Variants in CHCHD3 observed in about 807,000 individuals in gnomAD.
CHCHD3 encodes the protein MICOS complex subunit MIC19.
Under a neutral mutation model 38.2 loss-of-function variants are expected in CHCHD3, and 20 were observed. That is an observed-to-expected ratio of 0.52 (90% confidence interval 0.37 to 0.76). The LOEUF (loss-of-function observed/expected upper bound fraction) is 0.76, where lower values mean the gene tolerates loss of function less well. CHCHD3 is among the 30% of genes least tolerant of loss of function. CHCHD3 has a pLI of 0.00. For missense variants in CHCHD3, 245 were observed against 279.2 expected (o/e 0.88, Z 0.87); for synonymous variants, 82 against 100.0 (o/e 0.82, Z 1.07).
chr7:133,009,091 C>T (rs10257215), intron 3 of CHCHD3, among the ~76,000 whole-genome samples: 1,581 of 151,908 alleles, frequency 0.01, 30 homozygotes, highest in African/African-American at 0.036. Flanking sequence ...GGGCTGGCCA[C>T]GGTGGCTCAC....
chr7:133,078,572 AT>A (rs1815071109), intron 1 of CHCHD3, among the ~76,000 whole-genome samples: 1 of 152,194 alleles, frequency 6.6e-6, no homozygotes, highest in South Asian at 2.1e-4. Context: ...TATGAAAAAA[AT>A]AAAGGAAGAT....
At chr7:132,844,611 A>G (rs769924011) in intron 5 of CHCHD3, among the ~76,000 whole-genome samples, 30 of 152,230 alleles carry the variant, frequency 2.0e-4, no homozygotes, top group Non-Finnish European at 3.7e-4. Flanking sequence ...TTTAAAACAG[A>G]AAGTCTTATT....
intron 6 of CHCHD3, among the ~76,000 whole-genome samples, chr7:132,819,386 C>T (rs542477600): frequency 3.9e-5 from 6 of 152,272 alleles, no homozygotes; most frequent in South Asian, 2.1e-4. Context: ...TGCACACACA[C>T]GAGAAAACGC....
chr7:132,797,256 T>G (rs1205366593), intron 6 of CHCHD3, among the ~76,000 whole-genome samples: 1 of 152,164 alleles, frequency 6.6e-6, no homozygotes, highest in East Asian at 1.9e-4. Flanking sequence ...ACACTTCTCT[T>G]CAAGTCTAAG....
At chr7:132,933,206 A>G (rs1810556809) in intron 4 of CHCHD3, among the ~76,000 whole-genome samples, 1 of 152,204 alleles carries the variant, frequency 6.6e-6, no homozygotes, top group Non-Finnish European at 1.5e-5. Context: ...CAACTGAGTC[A>G]TATTTGTTGC....
intron 5 of CHCHD3, among the ~76,000 whole-genome samples, chr7:132,839,963 T>C (rs1188628744): frequency 6.6e-6 from 1 of 152,278 alleles, no homozygotes; most frequent in Non-Finnish European, 1.5e-5. Context: ...TAATTTTTTA[T>C]CATTTTCAAG....
chr7:133,073,114 T>TA (rs1274685006), intron 1 of CHCHD3, among the ~76,000 whole-genome samples: 1 of 152,186 alleles, frequency 6.6e-6, no homozygotes, highest in Admixed American at 6.5e-5. Context: ...TTTATATTTA[T>TA]AAAATGCCTT....
chr7:132,955,705 A>G (rs1235557600), intron 4 of CHCHD3, among the ~76,000 whole-genome samples: 1 of 152,132 alleles, frequency 6.6e-6, no homozygotes, highest in Non-Finnish European at 1.5e-5. Context: ...AGGTGGAGGA[A>G]CTAATGCAAT....
chr7:132,865,424 C>G (rs980972886), intron 5 of CHCHD3, among the ~76,000 whole-genome samples: 1 of 152,142 alleles, frequency 6.6e-6, no homozygotes, highest in African/African-American at 2.4e-5. Flanking sequence ...AAACTGGGGA[C>G]TCAGTGCAAA....
chr7:132,830,091 A>G (rs1807604030), intron 6 of CHCHD3, among the ~76,000 whole-genome samples: 1 of 152,250 alleles, frequency 6.6e-6, no homozygotes, highest in Non-Finnish European at 1.5e-5. Context: ...GGAACTAAAA[A>G]GAAAGTAAAT....
intron 6 of CHCHD3, 91 bp downstream of exon 6, chr7:132,838,308 A>C: frequency 2.4e-6 from 2 of 850,328 alleles, no homozygotes; most frequent in South Asian, 3.3e-5. Flanking sequence ...AGAGTGCTAT[A>C]TAACAAACTA....
chr7:133,067,673 A>C (rs2117533644), intron 2 of CHCHD3, among the ~76,000 whole-genome samples: 1 of 152,360 alleles, frequency 6.6e-6, no homozygotes, highest in South Asian at 2.1e-4. Flanking sequence ...CTGCACGACA[A>C]GGCATCTTCT....
intron 5 of CHCHD3, among the ~76,000 whole-genome samples, chr7:132,857,562 C>A (rs1808371250): frequency 6.6e-6 from 1 of 152,058 alleles, no homozygotes; most frequent in African/African-American, 2.4e-5. Flanking sequence ...CACCCGCCAC[C>A]ACCCCCAGCT....
intron 1 of CHCHD3, among the ~76,000 whole-genome samples, chr7:133,073,902 T>C (rs2344729): frequency 0.97 from 147,055 of 152,304 alleles, 71,222 homozygotes; most frequent in Middle Eastern, 1. Context: ...CTGTTCTACG[T>C]CCATCTCCTT....
At chr7:132,804,720 T>C (rs1375292625) in intron 6 of CHCHD3, among the ~76,000 whole-genome samples, 1 of 152,208 alleles carries the variant, frequency 6.6e-6, no homozygotes, top group East Asian at 1.9e-4. Context: ...TACACTTTTT[T>C]CTACTACATT....
chr7:132,841,021 C>A (rs1279463378), intron 5 of CHCHD3, among the ~76,000 whole-genome samples: 1 of 152,168 alleles, frequency 6.6e-6, no homozygotes, highest in Non-Finnish European at 1.5e-5. Context: ...ATGCTCCATA[C>A]TTCCACCTCA....
intron 6 of CHCHD3, among the ~76,000 whole-genome samples, chr7:132,812,887 C>A (rs986707725): frequency 6.6e-6 from 1 of 152,206 alleles, no homozygotes; most frequent in African/African-American, 2.4e-5. Flanking sequence ...CCTTCCTCAG[C>A]GTCTTAACAT....
At chr7:132,923,057 C>T (rs1374134946) in intron 4 of CHCHD3, among the ~76,000 whole-genome samples, 1 of 152,148 alleles carries the variant, frequency 6.6e-6, no homozygotes, top group Non-Finnish European at 1.5e-5. Flanking sequence ...AATAGGAATT[C>T]AAGACAATCA....
intron 5 of CHCHD3, among the ~76,000 whole-genome samples, chr7:132,885,206 C>CA (rs1178312235): frequency 6.6e-6 from 1 of 152,100 alleles, no homozygotes; most frequent in Non-Finnish European, 1.5e-5. Context: ...GAACCAAGAT[C>CA]ATGCCACTAG....
Sources: gnomAD v4.1 joint callset for allele counts (sites outside exome capture counted in the v4.1 genomes callset) on GRCh38, gnomAD v4.1.1 for gene constraint, MANE v1.5 for transcripts, NCBI Gene and HGNC (gene_info 2026-07-23, HGNC 2026-07-21) for gene names.